The following CDH18 variants were observed in gnomAD, a reference collection of about 807,000 sequenced individuals.
CDH18 encodes cadherin 18, also known as cadherin-18.
CDH18 carries 31 observed loss-of-function variants against 67.9 expected under a neutral mutation model. The ratio of observed to expected loss-of-function variants is 0.46; its 90% CI spans 0.34 to 0.62. The LOEUF is 0.62. CDH18 is among the 20% of genes least tolerant of loss of function. CDH18 has a pLI of 0.01. For missense variants in CDH18, 890 were observed against 975.5 expected (o/e 0.91, Z 1.17); for synonymous variants, 362 against 347.2 (o/e 1.04, Z -0.48).
intron 1 of CDH18, among the ~76,000 whole-genome samples, chr5:20,546,868 T>G (rs1372721382): frequency 6.6e-6 from 1 of 152,200 alleles, no homozygotes; most frequent in Admixed American, 6.5e-5. Context: ...ACTTTCTCTC[T>G]TCTTGCAAAT....
At chr5:20,298,521 G>T (rs1199683808) in intron 1 of CDH18, among the ~76,000 whole-genome samples, 1 of 152,096 alleles carries the variant, frequency 6.6e-6, no homozygotes, top group Non-Finnish European at 1.5e-5. Flanking sequence ...ATAATATAAA[G>T]ATATTGCATC....
intron 2 of CDH18, among the ~76,000 whole-genome samples, chr5:19,994,992 A>T (rs534471648): frequency 4.0e-5 from 6 of 150,892 alleles, no homozygotes; most frequent in Non-Finnish European, 5.9e-5. Context: ...TTTCCAGTCC[A>T]AACGTGAAGG....
chr5:20,440,842 G>A (rs959227336), intron 1 of CDH18, among the ~76,000 whole-genome samples: 2 of 151,900 alleles, frequency 1.3e-5, no homozygotes, highest in African/African-American at 4.9e-5. Context: ...AATGTTCCAG[G>A]GTCACTGAGT....
intron 2 of CDH18, among the ~76,000 whole-genome samples, chr5:20,149,799 T>C (rs1316842999): frequency 1.3e-5 from 2 of 152,118 alleles, no homozygotes; most frequent in Non-Finnish European, 2.9e-5. Flanking sequence ...TCATAATTTC[T>C]TTGTCATCTA....
At chr5:20,538,898 GTTTT>G (rs376091293) in intron 1 of CDH18, among the ~76,000 whole-genome samples, 10 of 106,764 alleles carry the variant, frequency 9.4e-5, no homozygotes, top group African/African-American at 3.2e-4. Context: ...ATAGCCAACT[GTTTT>G]TTTTTTGTTT....
Position 20,382,241 on chromosome 5 carries a change from A to T in CDH18, c.-579-126736T>A, listed in dbSNP as rs554554718. Among the ~76,000 whole-genome samples, 263 of 152,302 alleles carry T rather than the reference A, an allele frequency of 1.7e-3. 1 individual carries two copies. Among genetic ancestry groups the T allele is most frequent in the African/African-American group, 5.8e-3 (241 of 41,564 alleles). On this transcript the variant is annotated intron_variant, in intron 1 of 14. Coordinates refer to the CDH18 transcript ENST00000507958. ...GAGAAGTGAGACAATACCTTCTGTA[A>T]CTTCACAGCAGTGACAACTGGCATT...
intron 1 of CDH18, among the ~76,000 whole-genome samples, chr5:20,567,707 A>G (rs1272534601): frequency 2.0e-5 from 3 of 152,170 alleles, no homozygotes; most frequent in Admixed American, 6.5e-5. Context: ...AGCAAGCTGG[A>G]AAAGGAGAAA....
At chr5:19,994,411 TTCTC>T (rs1457123816) in intron 2 of CDH18, among the ~76,000 whole-genome samples, 1 of 151,262 alleles carries the variant, frequency 6.6e-6, no homozygotes, top group African/African-American at 2.4e-5. Flanking sequence ...GTTAATAACT[TTCTC>T]TATCATTGAA....
intron 5 of CDH18, among the ~76,000 whole-genome samples, chr5:19,685,604 A>G (rs1262354362): frequency 1.3e-5 from 2 of 152,272 alleles, no homozygotes; most frequent in East Asian, 3.9e-4. Context: ...CAGGATGGCC[A>G]CATTTCCTCC....
chr5:19,584,995 C>CAAAA (rs34553605), intron 7 of CDH18, among the ~76,000 whole-genome samples: 4 of 142,018 alleles, frequency 2.8e-5, no homozygotes, highest in Non-Finnish European at 4.5e-5. Flanking sequence ...ACTCTATCTC[C>CAAAA]AAAAAAAAAA....
At chr5:20,245,299 A>T (rs2973192) in intron 2 of CDH18, among the ~76,000 whole-genome samples, 82,119 of 151,962 alleles carry the variant, frequency 0.54, 22,278 homozygotes, top group Middle Eastern at 0.66. Context: ...GAGGTTCTAA[A>T]TCATTTTTAT....
At chr5:19,504,393 T>C (rs1383530313) in intron 10 of CDH18, among the ~76,000 whole-genome samples, 1 of 152,060 alleles carries the variant, frequency 6.6e-6, no homozygotes, top group African/African-American at 2.4e-5. Flanking sequence ...TTTCCCTCCA[T>C]ATTTATTTAT....
rs567962703 is a variant in CDH18 at position 20,452,579 on chromosome 5, G to A, written c.-580+122883C>T. 2.6e-5 allele frequency among the ~76,000 whole-genome samples: 4 copies of A among 152,146 alleles called. No homozygotes were observed. In the South Asian group the frequency reaches 8.3e-4, roughly 32 times the overall value. The stretch of plus-strand genomic sequence containing the variant: ...AACAATACAACATGGACGCCAAGAT[G>A]GGAACAAGAGACACCAGGGCAGATT... On this transcript the variant is annotated intron_variant, in intron 1 of 14. Transcript: ENST00000507958.
chr5:20,539,322 C>T (rs990274490), intron 1 of CDH18, among the ~76,000 whole-genome samples: 2 of 151,958 alleles, frequency 1.3e-5, no homozygotes, highest in Non-Finnish European at 2.9e-5. Flanking sequence ...AAATATTTTC[C>T]TTTATTTTGA....
chr5:19,730,592 T>C (rs542883789), intron 4 of CDH18, among the ~76,000 whole-genome samples: 3 of 152,340 alleles, frequency 2.0e-5, no homozygotes, highest in Admixed American at 6.5e-5. Context: ...GAAAGTAAGT[T>C]ATGTTTTTAA....
intron 2 of CDH18, among the ~76,000 whole-genome samples, chr5:20,255,282 T>C (rs1744148260): frequency 6.6e-6 from 1 of 152,174 alleles, no homozygotes; most frequent in Non-Finnish European, 1.5e-5. Context: ...ACACAGAAGA[T>C]GCTAAATTTC....
At chr5:19,827,191 A>C (rs1434957637) in intron 3 of CDH18, among the ~76,000 whole-genome samples, 1 of 152,168 alleles carries the variant, frequency 6.6e-6, no homozygotes, top group Admixed American at 6.5e-5. Context: ...AACTATCTTA[A>C]ATATAAATAC....
intron 3 of CDH18, among the ~76,000 whole-genome samples, chr5:19,825,064 C>T (rs941217458): frequency 3.9e-5 from 6 of 152,096 alleles, no homozygotes; most frequent in African/African-American, 1.4e-4. Context: ...AGGAAGCATC[C>T]AGATAGCAGG....
intron 2 of CDH18, among the ~76,000 whole-genome samples, chr5:20,164,547 TTACAG>T (rs1456949004): frequency 6.6e-6 from 1 of 152,148 alleles, no homozygotes; most frequent in Non-Finnish European, 1.5e-5. Context: ...AGTGCTAGAA[TTACAG>T]GTGTGAGCCA....
Sources: allele counts gnomAD v4.1 joint callset (sites outside exome capture counted in the v4.1 genomes callset), GRCh38; gene constraint gnomAD v4.1.1; transcripts MANE v1.5; gene names NCBI Gene and HGNC (gene_info 2026-07-23, HGNC 2026-07-21).